Variants in DEFB130B observed in about 807,000 individuals in gnomAD.
DEFB130B encodes the protein beta-defensin 130B.
chr8:12,066,595 A>G (rs1007369301), intron 1 of DEFB130B, among the ~76,000 whole-genome samples: 1 of 121,322 alleles, frequency 8.2e-6, no homozygotes. Context: ...AGATATTCAC[A>G]TTTATTTTCA....
At chr8:12,069,516 A>C (rs1801813256) in intron 1 of DEFB130B, among the ~76,000 whole-genome samples, 1 of 137,870 alleles carries the variant, frequency 7.3e-6, no homozygotes, top group Non-Finnish European at 1.7e-5. Flanking sequence ...ATAAGGCCAC[A>C]GTAACTAAAA....
At chr8:12,069,492 C>G (rs1387153464) in intron 1 of DEFB130B, among the ~76,000 whole-genome samples, 1 of 137,220 alleles carries the variant, frequency 7.3e-6, no homozygotes. Flanking sequence ...TCCTACTTGC[C>G]TCCAAATTAT....
intron 1 of DEFB130B, among the ~76,000 whole-genome samples, chr8:12,065,154 A>T (rs1354707821): frequency 3.3e-4 from 28 of 84,286 alleles, no homozygotes; most frequent in East Asian, 3.3e-3. Context: ...TACCTCATAG[A>T]TAGATGGAGG....
chr8:12,065,261 A>G (rs2150590551), intron 1 of DEFB130B, among the ~76,000 whole-genome samples: 1 of 30,934 alleles, frequency 3.2e-5, no homozygotes, highest in South Asian at 2.2e-3. Context: ...CCTTAAGTGT[A>G]TCCACATGTT....
chr8:12,069,582 C>A (rs1340475391), intron 1 of DEFB130B, among the ~76,000 whole-genome samples: 2 of 133,210 alleles, frequency 1.5e-5, no homozygotes, highest in African/African-American at 5.2e-5. Context: ...GAATAGAGAA[C>A]CCAGAAATAA....
chr8:12,065,107 A>G (rs977285227), intron 1 of DEFB130B, among the ~76,000 whole-genome samples: 2 of 120,310 alleles, frequency 1.7e-5, no homozygotes, highest in African/African-American at 2.8e-5. Flanking sequence ...TCCTCATTTC[A>G]GAACTATGTA....
chr8:12,071,567 AT>A (rs1801838696), intron 1 of DEFB130B, 122 bp downstream of exon 1: 1 of 4,652 alleles, frequency 2.1e-4, no homozygotes, highest in Non-Finnish European at 5.3e-4. Context: ...AACATGGTGG[AT>A]TTCTGAATTC....
chr8:12,069,521 C>T (rs1417655127), intron 1 of DEFB130B, among the ~76,000 whole-genome samples: 9 of 137,572 alleles, frequency 6.5e-5, no homozygotes, highest in Non-Finnish European at 1.2e-4. Flanking sequence ...GCCACAGTAA[C>T]TAAAATGGCA....
chr8:12,065,179 T>C (rs1462436938), intron 1 of DEFB130B, among the ~76,000 whole-genome samples: 1 of 33,464 alleles, frequency 3.0e-5, no homozygotes, highest in African/African-American at 5.9e-5. Context: ...GATAGATAGA[T>C]AGATAGATAG....
At chr8:12,069,440 C>A (rs1444115974) in intron 1 of DEFB130B, among the ~76,000 whole-genome samples, 1 of 134,796 alleles carries the variant, frequency 7.4e-6, no homozygotes, top group Non-Finnish European at 1.7e-5. Context: ...ACTCAGACAA[C>A]CAAAATAATC....
At chr8:12,065,199 T>TAGAC (rs1177312632) in intron 1 of DEFB130B, among the ~76,000 whole-genome samples, 2 of 25,334 alleles carry the variant, frequency 7.9e-5, no homozygotes, top group African/African-American at 1.5e-4. Context: ...GATAGATAGA[T>TAGAC]AGACAGACAG....
chr8:12,067,053 C>T (rs1357291842), intron 1 of DEFB130B, among the ~76,000 whole-genome samples: 1 of 31,732 alleles, frequency 3.2e-5, no homozygotes, highest in Non-Finnish European at 6.7e-5. Flanking sequence ...CTGTCTTCTG[C>T]TCCTGTCCAA....
chr8:12,069,553 C>T (rs1392940718), intron 1 of DEFB130B, among the ~76,000 whole-genome samples: 2 of 136,840 alleles, frequency 1.5e-5, no homozygotes, highest in East Asian at 2.0e-4. Context: ...CAAAAGCAGA[C>T]ACATGAACCA....
At chr8:12,066,604 CAG>C (rs1801771002) in intron 1 of DEFB130B, among the ~76,000 whole-genome samples, 1 of 116,726 alleles carries the variant, frequency 8.6e-6, no homozygotes. Context: ...CATTTATTTT[CAG>C]ACTTACTGAC....
At chr8:12,066,923 T>A (rs1034718665) in intron 1 of DEFB130B, among the ~76,000 whole-genome samples, 1 of 126,482 alleles carries the variant, frequency 7.9e-6, no homozygotes, top group Admixed American at 7.8e-5. Context: ...TCAGTAACTT[T>A]TAAGTTTTTT....
In DEFB130B at chr8:12,070,249, G is replaced by C. The variant is rs1228093949; in HGVS notation, c.58+1441C>G. Among the ~76,000 whole-genome samples, 6 of 5,942 alleles carry C rather than the reference G, an allele frequency of 1.0e-3. 3 individuals carry two copies. The highest frequency in any genetic ancestry group is 1.1e-3 in the African/African-American group (6 of 5,410). The allele number at this position is 5,942 out of a possible 152,430, so 3.9% of individuals were successfully genotyped here. On this transcript the variant is annotated intron_variant, in intron 1 of 1. Coordinates refer to ENST00000437818, the MANE Select transcript of DEFB130B (RefSeq NM_001195257.1). ...TTATTAAAAAGTTAAAAAAATAACA[G>C]AAACGCAGATGAGGCTGTGGAGAAA...
intron 1 of DEFB130B, among the ~76,000 whole-genome samples, chr8:12,067,198 G>A (rs987431495): frequency 5.0e-4 from 5 of 9,940 alleles, no homozygotes; most frequent in African/African-American, 6.1e-4. Flanking sequence ...CATATTCCCA[G>A]CATATATATG....
At chr8:12,069,430 A>T (rs1183024892) in intron 1 of DEFB130B, among the ~76,000 whole-genome samples, 2 of 134,048 alleles carry the variant, frequency 1.5e-5, no homozygotes, top group African/African-American at 5.1e-5. Context: ...CCATAAAAGA[A>T]CTCAGACAAC....
rs538159345 is a variant in DEFB130B, at chr8:12,069,483, C to A, written c.58+2207G>T. 1.5e-4 allele frequency among the ~76,000 whole-genome samples: 20 copies of A among 137,346 alleles called. 2 individuals carry two copies. Among genetic ancestry groups the A allele is most frequent in the African/African-American group, 5.0e-4 (20 of 39,694 alleles). The allele number at this position is 137,346 out of a possible 152,430, so 90.1% of individuals were successfully genotyped here. ...AAAAGAGCAACACTGGAGGCATCAT[C>A]CTACTTGCCTCCAAATTATACTATA... is the stretch of plus-strand genomic sequence containing the variant. On this transcript the variant is annotated intron_variant, in intron 1 of 1. Coordinates refer to ENST00000437818, the MANE Select transcript of DEFB130B (RefSeq NM_001195257.1).
Sources: gnomAD v4.1 joint callset for allele counts (sites outside exome capture counted in the v4.1 genomes callset) on GRCh38, gnomAD v4.1.1 for gene constraint, MANE v1.5 for transcripts, NCBI Gene and HGNC (gene_info 2026-07-23, HGNC 2026-07-21) for gene names.